Variants in PLCL1 observed in about 807,000 individuals in gnomAD.
The protein encoded by PLCL1 is inactive phospholipase C-like protein 1.
Under a neutral mutation model 84.4 loss-of-function variants are expected in PLCL1, and 41 were observed. The ratio of observed to expected loss-of-function variants is 0.49; its 90% confidence interval spans 0.38 to 0.63. PLCL1 has a LOEUF of 0.63. Ranked by LOEUF, PLCL1 falls within the 30% of genes least tolerant of loss-of-function variation. The pLI, the probability that PLCL1 is intolerant of heterozygous loss-of-function variation, is 0.00. For missense variants in PLCL1, 1,206 were observed against 1,367.8 expected, an observed-to-expected ratio of 0.88 and a Z score of 1.87; for synonymous variants, 490 against 488.3, an observed-to-expected ratio of 1.00 and a Z score of -0.05.
chr2:197,932,478 C>T (rs1688956258), intron 1 of PLCL1, among the ~76,000 whole-genome samples: 1 of 152,056 alleles, frequency 6.6e-6, no homozygotes, highest in African/African-American at 2.4e-5. Context: ...GATTTTAAGT[C>T]CTGCATGCAT....
intron 5 of PLCL1, among the ~76,000 whole-genome samples, chr2:198,146,435 G>A (rs897250336): frequency 4.6e-5 from 7 of 152,132 alleles, no homozygotes; most frequent in Non-Finnish European, 1.0e-4. Flanking sequence ...CTGGATCTGG[G>A]CGGGGTAGGT....
At chr2:197,968,673 A>G (rs1689796950) in intron 1 of PLCL1, among the ~76,000 whole-genome samples, 1 of 152,228 alleles carries the variant, frequency 6.6e-6, no homozygotes, top group South Asian at 2.1e-4. Context: ...GTTTCTCAAC[A>G]AAGCAGTCTC....
At chr2:198,138,253 T>C (rs558970125) in intron 5 of PLCL1, among the ~76,000 whole-genome samples, 167 of 152,238 alleles carry the variant, frequency 1.1e-3, no homozygotes, top group South Asian at 2.3e-3. Context: ...GAACTTACAG[T>C]CATGGCATAA....
chr2:197,834,263 A>G (rs1317302477), intron 1 of PLCL1, among the ~76,000 whole-genome samples: 1 of 152,208 alleles, frequency 6.6e-6, no homozygotes, highest in East Asian at 1.9e-4. Context: ...CATGACTAAA[A>G]CACCAAAACA....
At chr2:197,912,799 T>G (rs1358050386) in intron 1 of PLCL1, among the ~76,000 whole-genome samples, 6 of 5,116 alleles carry the variant, frequency 1.2e-3, no homozygotes, top group South Asian at 4.6e-3. Flanking sequence ...CGTGGTGGGG[T>G]GGGGGGTGGG....
At chr2:197,808,382 G>A (rs1194641246) in intron 1 of PLCL1, among the ~76,000 whole-genome samples, 1 of 152,202 alleles carries the variant, frequency 6.6e-6, no homozygotes, top group South Asian at 2.1e-4. Flanking sequence ...TAAGAAATAA[G>A]ACCATTTATT....
At chr2:198,055,521 G>GCTT (rs35503807) in intron 1 of PLCL1, among the ~76,000 whole-genome samples, 97 of 144,842 alleles carry the variant, frequency 6.7e-4, no homozygotes, top group African/African-American at 8.7e-4. Flanking sequence ...CTTTTATTTT[G>GCTT]TTTTTTTTTT....
In PLCL1 at chr2:197,901,535, TG is replaced by T. The variant is rs1034303257; in HGVS notation, c.240+96199del. Among the ~76,000 whole-genome samples the T allele has an allele frequency of 7.2e-4, 110 of 152,240 alleles. 1 individual carries two copies. Among genetic ancestry groups the T allele is most frequent in the African/African-American group, 2.6e-3 (108 of 41,540 alleles). On this transcript the variant is annotated intron_variant, in intron 1 of 5. Coordinates refer to ENST00000428675, the MANE Select transcript of PLCL1 (RefSeq NM_006226.4). ...GCAGAGGCATAGAGATCGAATATTA[TG>T]GGTCACGTTCAGGCAACAGCAATGT...
At chr2:197,871,450 C>G (rs908240846) in intron 1 of PLCL1, among the ~76,000 whole-genome samples, 2 of 152,098 alleles carry the variant, frequency 1.3e-5, no homozygotes, top group Non-Finnish European at 2.9e-5. Context: ...TCCAGACCCC[C>G]ACCTGGATCC....
chr2:198,075,510 C>T (rs1468936896), intron 1 of PLCL1, among the ~76,000 whole-genome samples: 1 of 152,150 alleles, frequency 6.6e-6, no homozygotes, highest in Non-Finnish European at 1.5e-5. Flanking sequence ...AATGGAAGTT[C>T]ACGTATCTCA....
chr2:198,136,431 T>A (rs1308073997), intron 5 of PLCL1, among the ~76,000 whole-genome samples: 1 of 151,996 alleles, frequency 6.6e-6, no homozygotes, highest in Non-Finnish European at 1.5e-5. Flanking sequence ...ACAGTAAGAG[T>A]GGAGCTTATG....
At chr2:198,082,703 A>G (rs1274616687) in intron 1 of PLCL1, among the ~76,000 whole-genome samples, 1 of 152,132 alleles carries the variant, frequency 6.6e-6, no homozygotes, top group African/African-American at 2.4e-5. Context: ...ATGAATTGGG[A>G]ATGATAGACA....
intron 1 of PLCL1, among the ~76,000 whole-genome samples, chr2:197,879,006 G>A (rs1031520283): frequency 6.6e-6 from 1 of 152,186 alleles, no homozygotes; most frequent in African/African-American, 2.4e-5. Context: ...AGAAGACATG[G>A]GAATAACTGG....
chr2:197,807,649 T>C (rs1690511299), intron 1 of PLCL1, among the ~76,000 whole-genome samples: 1 of 152,236 alleles, frequency 6.6e-6, no homozygotes, highest in Non-Finnish European at 1.5e-5. Flanking sequence ...GCACATGTTC[T>C]ATATTGAGAG....
At chr2:198,118,866 C>T (rs1434216075) in intron 5 of PLCL1, among the ~76,000 whole-genome samples, 1 of 151,906 alleles carries the variant, frequency 6.6e-6, no homozygotes, top group East Asian at 1.9e-4. Flanking sequence ...GTTTTGAGTG[C>T]CTTTAACTAT....
At chr2:198,074,897 A>G (rs1056523821) in intron 1 of PLCL1, among the ~76,000 whole-genome samples, 1 of 152,220 alleles carries the variant, frequency 6.6e-6, no homozygotes, top group Non-Finnish European at 1.5e-5. Flanking sequence ...CTAATTACAT[A>G]TAATTTTCTG....
intron 4 of PLCL1, 138 bp from the exon 5 acceptor site, chr2:198,103,689 G>T (rs964291502): frequency 5.5e-6 from 3 of 543,096 alleles, no homozygotes; most frequent in African/African-American, 3.9e-5. Context: ...AGAATGAAAA[G>T]GATAATTCAA....
intron 1 of PLCL1, among the ~76,000 whole-genome samples, chr2:197,946,296 G>C (rs900248280): frequency 6.6e-6 from 1 of 152,182 alleles, no homozygotes; most frequent in Non-Finnish European, 1.5e-5. Context: ...TTTTGCCTGA[G>C]GGGAGTCTCC....
intron 5 of PLCL1, among the ~76,000 whole-genome samples, chr2:198,122,065 T>A (rs1693881149): frequency 6.6e-6 from 1 of 152,100 alleles, no homozygotes; most frequent in Non-Finnish European, 1.5e-5. Context: ...TATATACAAT[T>A]TTTAGTGGCC....
Sources: gnomAD v4.1 joint callset for allele counts (sites outside exome capture counted in the v4.1 genomes callset) on GRCh38, gnomAD v4.1.1 for gene constraint, MANE v1.5 for transcripts, NCBI Gene and HGNC (gene_info 2026-07-23, HGNC 2026-07-21) for gene names.